NMT2: variants seen among roughly 807,000 people sequenced by gnomAD.
NMT2 encodes the protein glycylpeptide N-tetradecanoyltransferase 2.
A neutral mutation model predicts 65.4 loss-of-function variants in NMT2; 35 were observed. The observed-to-expected ratio is 0.54, with a 90% CI of 0.41 to 0.71. NMT2 has a LOEUF of 0.71. Among genes scored for constraint, NMT2 ranks in the 30% least tolerant of loss-of-function variants. The pLI, the probability that NMT2 is intolerant of heterozygous loss-of-function variation, is 0.00. For missense variants in NMT2, 489 were observed against 611.3 expected (o/e 0.80, Z 2.11); for synonymous variants, 226 against 231.8 (o/e 0.98, Z 0.23).
intron 1 of NMT2, among the ~76,000 whole-genome samples, chr10:15,154,020 C>A (rs907620430): frequency 6.6e-6 from 1 of 152,186 alleles, no homozygotes; most frequent in Non-Finnish European, 1.5e-5. Context: ...AAATAACAGC[C>A]GCTCACAACA....
At chr10:15,114,995 C>T (rs1845698275) in intron 9 of NMT2, among the ~76,000 whole-genome samples, 1 of 151,532 alleles carries the variant, frequency 6.6e-6, no homozygotes, top group Admixed American at 6.6e-5. Flanking sequence ...GAGCAAGACA[C>T]TGTCTCCAAA....
At chr10:15,144,284 T>C (rs1199840557) in intron 1 of NMT2, among the ~76,000 whole-genome samples, 2 of 152,164 alleles carry the variant, frequency 1.3e-5, no homozygotes, top group African/African-American at 2.4e-5. Context: ...ACATATCTGA[T>C]AGCATTTATA....
At chr10:15,167,232 G>T (rs888422009) in intron 1 of NMT2, among the ~76,000 whole-genome samples, 6 of 152,038 alleles carry the variant, frequency 3.9e-5, no homozygotes, top group South Asian at 2.1e-4. Context: ...AGCCGCCACT[G>T]AAGTATTCAC....
intron 8 of NMT2, among the ~76,000 whole-genome samples, chr10:15,127,169 A>T (rs1177345572): frequency 1.3e-5 from 2 of 152,054 alleles, no homozygotes; most frequent in Admixed American, 1.3e-4. Context: ...CGGGAGGCGG[A>T]GGTTGCAGTG....
At chr10:15,127,995 C>T (rs1335980293) in intron 8 of NMT2, among the ~76,000 whole-genome samples, 3 of 152,122 alleles carry the variant, frequency 2.0e-5, no homozygotes, top group Non-Finnish European at 4.4e-5. Flanking sequence ...TGGGTCTCTC[C>T]TCTACACTTG....
intron 1 of NMT2, among the ~76,000 whole-genome samples, chr10:15,151,065 T>C (rs1832784930): frequency 6.6e-6 from 1 of 151,828 alleles, no homozygotes; most frequent in African/African-American, 2.4e-5. Context: ...CCTCCTTTTT[T>C]TTTTTTTTTG....
chr10:15,159,855 C>A (rs1468004410), intron 1 of NMT2, among the ~76,000 whole-genome samples: 1 of 152,152 alleles, frequency 6.6e-6, no homozygotes, highest in Non-Finnish European at 1.5e-5. Flanking sequence ...CAGCTTGGGG[C>A]AGGAGAATGA....
At chr10:15,131,777 T>C (rs1217469829) in intron 6 of NMT2, among the ~76,000 whole-genome samples, 1 of 152,226 alleles carries the variant, frequency 6.6e-6, no homozygotes, top group Non-Finnish European at 1.5e-5. Flanking sequence ...CTTTCATAGC[T>C]GGATCTTTGA....
chr10:15,120,040 T>TG (rs1187407012), intron 8 of NMT2, among the ~76,000 whole-genome samples: 31 of 152,224 alleles, frequency 2.0e-4, no homozygotes, highest in Admixed American at 1.9e-3. Flanking sequence ...ACTGGATCGT[T>TG]GCATCTGTGC....
intron 6 of NMT2, among the ~76,000 whole-genome samples, chr10:15,131,876 T>C (rs184972702): frequency 2.6e-4 from 39 of 152,304 alleles, no homozygotes; most frequent in African/African-American, 8.9e-4. Flanking sequence ...AAGTAATTTT[T>C]TTTTTTTGAG....
chr10:15,154,861 A>T (rs1220920755), intron 1 of NMT2: 1 of 788,680 alleles, frequency 1.3e-6, no homozygotes, highest in Admixed American at 1.7e-5. Context: ...TTGGACCCAT[A>T]GCGCTTCATG....
intron 1 of NMT2, among the ~76,000 whole-genome samples, chr10:15,166,079 T>C (rs1833369560): frequency 6.6e-6 from 1 of 152,162 alleles, no homozygotes; most frequent in South Asian, 2.1e-4. Flanking sequence ...AAGAACAGCA[T>C]ATGCAGTTTT....
At chr10:15,123,542 A>G (rs903348550) in intron 8 of NMT2, among the ~76,000 whole-genome samples, 2 of 150,906 alleles carry the variant, frequency 1.3e-5, no homozygotes, top group Admixed American at 6.6e-5. Context: ...AAAAAAAAAA[A>G]AAAAAAAAAA....
Position 15,136,336 on chromosome 10 carries a change from GAAAGA to G in NMT2, c.247-923_247-919del, listed in dbSNP as rs374538829. Among the ~76,000 whole-genome samples, 190 of 146,216 alleles carry G rather than the reference GAAAGA, an allele frequency of 1.3e-3. 1 individual carries two copies. The highest frequency in any genetic ancestry group is 4.4e-3 in the African/African-American group (176 of 39,752). On this transcript the variant is annotated intron_variant, in intron 2 of 11. Transcript: ENST00000378165. ...AAAGAGAAAGGGAGAGAGACAGAGA[GAAAGA>G]AAAGAAAAGAAAAAAGGAGGGAGGG...
intron 1 of NMT2, 95 bp from the exon 2 acceptor site, chr10:15,141,652 C>T: frequency 7.0e-7 from 1 of 1,426,194 alleles, no homozygotes; most frequent in Non-Finnish European, 9.4e-7. Context: ...AAAAACACAG[C>T]TGTTACATGC....
At chr10:15,161,081 CAAAAAA>C (rs750859200) in intron 1 of NMT2, among the ~76,000 whole-genome samples, 5 of 19,274 alleles carry the variant, frequency 2.6e-4, no homozygotes, top group Non-Finnish European at 4.5e-4. Context: ...CCTCAAAAAT[CAAAAAA>C]AAAAAAAAAA....
chr10:15,151,309 G>A (rs965217719), intron 1 of NMT2, among the ~76,000 whole-genome samples: 5 of 152,092 alleles, frequency 3.3e-5, no homozygotes, highest in Admixed American at 6.5e-5. Context: ...TGCCCGCCTC[G>A]GCCCCCAAAA....
At chr10:15,126,441 A>AG (rs1272877328) in intron 8 of NMT2, among the ~76,000 whole-genome samples, 2 of 151,266 alleles carry the variant, frequency 1.3e-5, no homozygotes, top group African/African-American at 2.4e-5. Context: ...AAAAAAAAAA[A>AG]AAAAGAAATG....
rs1218744563 is a variant in NMT2 at position 15,168,555 on chromosome 10, C to T, written c.58G>A (p.Asp20Asn). The change falls in exon 1 of 12, where the codon GAC (aspartate) becomes AAC (asparagine). Residue 20 changes from aspartate (D) to asparagine (N), a missense_variant. Transcript: ENST00000378165. The stretch of plus-strand genomic sequence containing the variant: ...TTGTCCCCGTCTATCCCGCACGTGT[C>T]CTGGTCGTCCAGTTCCAGGCTCTGC... The part of the protein sequence containing the change: ...SQQSLELDDQ[D>N]TCGIDGDNEE... The T allele has an allele frequency of 6.3e-7, 1 of 1,594,894 alleles. No homozygotes were observed. The highest frequency in any genetic ancestry group is 8.5e-7 in the Non-Finnish European group (1 of 1,173,164).
Sources: gnomAD v4.1 joint callset for allele counts (sites outside exome capture counted in the v4.1 genomes callset) on GRCh38, gnomAD v4.1.1 for gene constraint, MANE v1.5 for transcripts, NCBI Gene and HGNC (gene_info 2026-07-23, HGNC 2026-07-21) for gene names.